Variants in THSD7B observed in about 807,000 individuals in gnomAD.
The protein encoded by THSD7B is thrombospondin type 1 domain containing 7B.
In THSD7B, 138 loss-of-function variants were observed where a neutral mutation model predicts 213.6. The observed-to-expected ratio is 0.65, with a 90% CI of 0.56 to 0.74. The LOEUF is 0.74. Among genes scored for constraint, THSD7B ranks in the 30% least tolerant of loss-of-function variants. The pLI is 0.00. For missense variants in THSD7B, 1,931 were observed against 1,991.5 expected, an observed-to-expected ratio of 0.97 and a Z score of 0.58; for synonymous variants, 742 against 687.0, an observed-to-expected ratio of 1.08 and a Z score of -1.25.
chr2:137,198,014 A>G (rs1680799831), intron 7 of THSD7B, among the ~76,000 whole-genome samples: 1 of 152,112 alleles, frequency 6.6e-6, no homozygotes. Flanking sequence ...TTTATTTTCA[A>G]GGAGTAGCAA....
intron 12 of THSD7B, among the ~76,000 whole-genome samples, chr2:137,299,232 A>G (rs1417687716): frequency 2.0e-5 from 3 of 152,048 alleles, no homozygotes; most frequent in African/African-American, 7.2e-5. Flanking sequence ...GGACCCTGTA[A>G]CCCCTTTGTT....
chr2:137,023,357 T>A (rs1457136505), intron 2 of THSD7B, among the ~76,000 whole-genome samples: 4 of 152,088 alleles, frequency 2.6e-5, no homozygotes, highest in Admixed American at 2.0e-4. Context: ...TCTGGTAGCT[T>A]CCAGGGTTTC....
At chr2:137,156,443 C>T (rs1679910523) in intron 5 of THSD7B, among the ~76,000 whole-genome samples, 3 of 152,196 alleles carry the variant, frequency 2.0e-5, no homozygotes, top group Non-Finnish European at 4.4e-5. Context: ...CCCTGGTCCT[C>T]CAATATGTCA....
intron 15 of THSD7B, among the ~76,000 whole-genome samples, chr2:137,531,770 C>G (rs930054622): frequency 6.6e-6 from 1 of 151,926 alleles, no homozygotes; most frequent in Non-Finnish European, 1.5e-5. Context: ...CCCCTTAATG[C>G]TCATGTGCTT....
At chr2:137,556,947 G>A (rs561035687) in intron 15 of THSD7B, among the ~76,000 whole-genome samples, 104 of 152,230 alleles carry the variant, frequency 6.8e-4, no homozygotes, top group African/African-American at 2.4e-3. Context: ...GACAAAGAAG[G>A]CCATTACATA....
At chr2:137,092,425 A>G (rs933682609) in intron 3 of THSD7B, among the ~76,000 whole-genome samples, 2 of 152,052 alleles carry the variant, frequency 1.3e-5, no homozygotes, top group African/African-American at 4.8e-5. Context: ...AAAAATAAAT[A>G]AAATAAAAAT....
At chr2:137,306,955 G>A (rs796574883) in intron 12 of THSD7B, among the ~76,000 whole-genome samples, 4 of 152,204 alleles carry the variant, frequency 2.6e-5, no homozygotes, top group African/African-American at 9.6e-5. Context: ...TGCTCTTTGA[G>A]AACAGAAGTA....
intron 15 of THSD7B, among the ~76,000 whole-genome samples, chr2:137,549,424 A>G (rs1433097479): frequency 1.4e-5 from 2 of 142,850 alleles, no homozygotes; most frequent in Admixed American, 7.7e-5. Flanking sequence ...CTATCTACCT[A>G]TCCTTGCACT....
intron 7 of THSD7B, among the ~76,000 whole-genome samples, chr2:137,196,817 C>T (rs537816115): frequency 2.0e-5 from 3 of 152,196 alleles, no homozygotes; most frequent in Admixed American, 2.0e-4. Context: ...TATGCATATG[C>T]AAATATTCAA....
intron 14 of THSD7B, among the ~76,000 whole-genome samples, chr2:137,445,564 G>C (rs1274975673): frequency 6.6e-6 from 1 of 151,800 alleles, no homozygotes; most frequent in Non-Finnish European, 1.5e-5. Flanking sequence ...AAAACAATAT[G>C]GATCTCATGG....
At chr2:137,396,114 G>T (rs1179787468) in intron 12 of THSD7B, among the ~76,000 whole-genome samples, 2 of 148,086 alleles carry the variant, frequency 1.4e-5, no homozygotes, top group Non-Finnish European at 3.0e-5. Context: ...CAAAAAACCA[G>T]CTCCTGGATT....
At chr2:137,613,258 A>G (rs1489352396) in intron 17 of THSD7B, among the ~76,000 whole-genome samples, 1 of 152,134 alleles carries the variant, frequency 6.6e-6, no homozygotes, top group African/African-American at 2.4e-5. Context: ...CTGCATGGTG[A>G]GGTTTAACAT....
At chr2:137,370,129 A>G (rs934313755) in intron 12 of THSD7B, among the ~76,000 whole-genome samples, 1 of 152,074 alleles carries the variant, frequency 6.6e-6, no homozygotes, top group Non-Finnish European at 1.5e-5. Context: ...CCTATAAAGA[A>G]CGCATATATG....
At chr2:137,314,356 G>A (rs970032617) in intron 12 of THSD7B, among the ~76,000 whole-genome samples, 33 of 152,106 alleles carry the variant, frequency 2.2e-4, no homozygotes, top group South Asian at 6.2e-4. Context: ...TTTCAGCTCC[G>A]TCAGCTCCTT....
chr2:136,887,938 T>G (rs912799777), intron 2 of THSD7B, among the ~76,000 whole-genome samples: 7 of 152,130 alleles, frequency 4.6e-5, no homozygotes, highest in Non-Finnish European at 8.8e-5. Flanking sequence ...TACAGGACTC[T>G]TTGAGAATTA....
At chr2:137,556,236 A>G (rs980289306) in intron 15 of THSD7B, among the ~76,000 whole-genome samples, 16 of 152,200 alleles carry the variant, frequency 1.1e-4, no homozygotes, top group Non-Finnish European at 2.2e-4. Flanking sequence ...CAGACACATA[A>G]CTGTCAGATT....
intron 1 of THSD7B, among the ~76,000 whole-genome samples, chr2:136,878,090 G>T (rs1384650777): frequency 6.6e-6 from 1 of 152,076 alleles, no homozygotes; most frequent in African/African-American, 2.4e-5. Context: ...CCCACAACAG[G>T]TCCCAGTGTG....
intron 15 of THSD7B, among the ~76,000 whole-genome samples, chr2:137,513,407 T>C (rs775195907): frequency 6.6e-6 from 1 of 152,182 alleles, no homozygotes; most frequent in Non-Finnish European, 1.5e-5. Context: ...TTCAGTATCA[T>C]ATGCAAATAA....
intron 10 of THSD7B, among the ~76,000 whole-genome samples, chr2:137,248,360 A>T (rs1682089881): frequency 6.6e-6 from 1 of 152,154 alleles, no homozygotes; most frequent in Non-Finnish European, 1.5e-5. Flanking sequence ...TTCATTAATG[A>T]ACTTCCAGTG....
Sources: gnomAD v4.1 joint callset for allele counts (sites outside exome capture counted in the v4.1 genomes callset) on GRCh38, gnomAD v4.1.1 for gene constraint, MANE v1.5 for transcripts, NCBI Gene and HGNC (gene_info 2026-07-23, HGNC 2026-07-21) for gene names.